The following UNC79 variants were observed in gnomAD, a reference collection of about 807,000 sequenced individuals.
UNC79 encodes the protein protein unc-79 homolog.
Under a neutral mutation model 283.1 loss-of-function variants are expected in UNC79, and 37 were observed. The ratio of observed to expected loss-of-function variants is 0.13; its 90% CI spans 0.10 to 0.17. UNC79 has a LOEUF of 0.17. Among genes scored for constraint, UNC79 ranks in the 10% least tolerant of loss-of-function variants. UNC79 has a pLI of 1.00. For synonymous variants in UNC79, 1,107 were observed against 1,200.2 expected (o/e 0.92, Z 1.61); for missense variants, 2,272 against 3,211.1 (o/e 0.71, Z 7.07).
chr14:93,417,661 A>G (rs967868888), intron 1 of UNC79, among the ~76,000 whole-genome samples: 2 of 152,152 alleles, frequency 1.3e-5, no homozygotes, highest in African/African-American at 2.4e-5. Flanking sequence ...AGGTACACCA[A>G]TCAGATGTAG....
At chr14:93,634,838 C>A (rs547133017) in intron 31 of UNC79, among the ~76,000 whole-genome samples, 6 of 152,158 alleles carry the variant, frequency 3.9e-5, no homozygotes, top group Non-Finnish European at 2.9e-5. Flanking sequence ...TCCGTTGAGG[C>A]TGGCCCAACT....
intron 1 of UNC79, chr14:93,347,221 C>T: frequency 6.5e-7 from 1 of 1,540,196 alleles, no homozygotes; most frequent in South Asian, 1.2e-5. Flanking sequence ...TACTTGGCCT[C>T]ACCTCACCTG....
At chr14:93,558,985 G>A (rs2062377971) in intron 14 of UNC79, among the ~76,000 whole-genome samples, 1 of 152,152 alleles carries the variant, frequency 6.6e-6, no homozygotes, top group African/African-American at 2.4e-5. Flanking sequence ...GGACCCATGT[G>A]CTGCCAATTC....
intron 31 of UNC79, among the ~76,000 whole-genome samples, chr14:93,635,037 A>G (rs980824378): frequency 6.6e-6 from 1 of 152,240 alleles, no homozygotes; most frequent in African/African-American, 2.4e-5. Context: ...AGTGATAAAA[A>G]TTGTCAGCTT....
chr14:93,391,534 A>G (rs2054883066), intron 1 of UNC79, among the ~76,000 whole-genome samples: 2 of 152,218 alleles, frequency 1.3e-5, no homozygotes, highest in African/African-American at 4.8e-5. Flanking sequence ...AGGGCGTACA[A>G]AGGTAGGCTA....
At position 93,424,664 on chromosome 14, in the gene UNC79, A is replaced by G. The variant is rs555846291; in HGVS notation, c.-350-43007A>G. Among the ~76,000 whole-genome samples, 4 of 152,212 alleles carry G rather than the reference A, an allele frequency of 2.6e-5. No homozygotes were observed. In the South Asian group the frequency reaches 8.3e-4, roughly 32 times the overall value. On this transcript the variant is annotated intron_variant, in intron 1 of 49. Coordinates refer to the UNC79 transcript ENST00000256339. ...TTTGTGGCACCTAAAAATTAAAACA[A>G]TTGAACTCATAGAGATAGAGAGTAG...
rs758017629 is a variant in UNC79 at position 93,622,677 on chromosome 14, C to G, written c.5444C>G (p.Pro1815Arg). 4.3e-6 allele frequency: 7 copies of G among 1,613,994 alleles called. No individual in the cohort carries two copies. The East Asian group carries it at 1.6e-4, about 36-fold the overall frequency. Residue 1815 changes from proline to arginine, a missense_variant, in exon 30 of 49, where the codon CCT becomes CGT. Physicochemically the swap from Pro to Arg is moderately radical, Grantham distance 103. Transcript: ENST00000555664. ...GCAGAATCTGATACAGAACAGAATC[C>G]TGAAAGGAAGGTGGAAGAGGATGGA...
At chr14:93,424,875 G>C (rs558141817) in intron 1 of UNC79, among the ~76,000 whole-genome samples, 1 of 152,044 alleles carries the variant, frequency 6.6e-6, no homozygotes, top group African/African-American at 2.4e-5. Flanking sequence ...ATTGGATTGC[G>C]TATAACACAA....
At chr14:93,702,980 C>A (rs1159554340) in intron 47 of UNC79, among the ~76,000 whole-genome samples, 1 of 152,200 alleles carries the variant, frequency 6.6e-6, no homozygotes, top group Non-Finnish European at 1.5e-5. Context: ...ATAGAGCATC[C>A]CCTCTTCGGA....
intron 14 of UNC79, among the ~76,000 whole-genome samples, chr14:93,570,362 G>A (rs1463115367): frequency 6.6e-6 from 1 of 152,172 alleles, no homozygotes; most frequent in Non-Finnish European, 1.5e-5. Flanking sequence ...AGATTCCTGT[G>A]TTCCAGGGCT....
chr14:93,548,299 C>T (rs1424926084), intron 14 of UNC79, among the ~76,000 whole-genome samples: 2 of 152,208 alleles, frequency 1.3e-5, no homozygotes, highest in South Asian at 2.1e-4. Context: ...TTTACAAGGG[C>T]GTTCATTCAT....
intron 1 of UNC79, among the ~76,000 whole-genome samples, chr14:93,402,258 C>CAGAGTGAG (rs2055123107): frequency 9.2e-6 from 1 of 108,546 alleles, no homozygotes; most frequent in Non-Finnish European, 1.7e-5. Flanking sequence ...GCCTGAGTGA[C>CAGAGTGAG]AGAGTGAGAC....
intron 40 of UNC79, among the ~76,000 whole-genome samples, chr14:93,671,157 T>C (rs1395277214): frequency 6.6e-6 from 1 of 152,172 alleles, no homozygotes; most frequent in Non-Finnish European, 1.5e-5. Flanking sequence ...ATTTCAAAGA[T>C]ATATTGCAGT....
At chr14:93,349,519 TC>T (rs1171664801) in intron 1 of UNC79, among the ~76,000 whole-genome samples, 1 of 152,162 alleles carries the variant, frequency 6.6e-6, no homozygotes, top group Non-Finnish European at 1.5e-5. Flanking sequence ...TATACCCCAG[TC>T]CCCTTCCCCA....
In UNC79 at chr14:93,337,721, CAAG is replaced by C. The variant is rs773583635; in HGVS notation, c.-351+4199_-351+4201del. On this transcript the variant is annotated intron_variant, in intron 1 of 49. Coordinates refer to the UNC79 transcript ENST00000256339. ...CCTCTGCTTGCCATGCTGTGGGTGA[CAAG>C]GAGGAGAGAAGAGCTGCAGCCCTTC... 2.8e-4 allele frequency among the ~76,000 whole-genome samples: 42 copies of C among 152,248 alleles called. 1 individual carries two copies. In the Middle Eastern group the frequency reaches 0.017, roughly 62 times the overall value.
At chr14:93,611,108 A>C (rs535404773) in intron 26 of UNC79, among the ~76,000 whole-genome samples, 2 of 152,326 alleles carry the variant, frequency 1.3e-5, no homozygotes, top group African/African-American at 4.8e-5. Flanking sequence ...ATGCCTAATA[A>C]GTAATTATAA....
At chr14:93,645,401 A>G (rs1437682024) in intron 34 of UNC79, among the ~76,000 whole-genome samples, 1 of 152,212 alleles carries the variant, frequency 6.6e-6, no homozygotes, top group Admixed American at 6.5e-5. Context: ...CAGGGAGTAC[A>G]TTTAGTGCAA....
At chr14:93,511,437 A>G (rs956260146) in intron 7 of UNC79, among the ~76,000 whole-genome samples, 2 of 151,806 alleles carry the variant, frequency 1.3e-5, no homozygotes, top group African/African-American at 4.8e-5. Flanking sequence ...AATAGTTTTT[A>G]TTTTTTATAT....
At chr14:93,622,084 G>T (rs776496322) in exon 30 of UNC79, 6 of 1,614,068 alleles carry the variant, frequency 3.7e-6, no homozygotes, top group African/African-American at 1.3e-5. Context: ...CAACCTCGGG[G>T]CCTGAAAAAC....
Sources: allele counts gnomAD v4.1 joint callset (sites outside exome capture counted in the v4.1 genomes callset), GRCh38; gene constraint gnomAD v4.1.1; transcripts MANE v1.5; gene names NCBI Gene and HGNC (gene_info 2026-07-23, HGNC 2026-07-21).